The following SLC24A2 variants were observed in gnomAD, a reference collection of about 807,000 sequenced individuals.
SLC24A2 encodes the protein solute carrier family 24 member 2, also known as sodium/potassium/calcium exchanger 2.
SLC24A2 carries 36 observed loss-of-function variants against 62.0 expected under a neutral mutation model. The ratio of observed to expected loss-of-function variants is 0.58; its 90% CI spans 0.44 to 0.77. SLC24A2 has a LOEUF of 0.77. Among genes scored for constraint, SLC24A2 ranks in the 30% least tolerant of loss-of-function variants. The pLI, the probability that SLC24A2 is intolerant of heterozygous loss-of-function variation, is 0.00. For synonymous variants in SLC24A2, 358 were observed against 294.0 expected (o/e 1.22, Z -2.23); for missense variants, 846 against 817.9 (o/e 1.03, Z -0.42).
the SLC24A2 span, among the ~76,000 whole-genome samples, chr9:19,970,470 A>T: frequency 6.6e-6 from 1 of 152,198 alleles, no homozygotes; most frequent in Non-Finnish European, 1.5e-5. Context: ...TTTGAAAGGA[A>T]AATATCAAAT....
At chr9:20,158,332 A>G in the SLC24A2 span, among the ~76,000 whole-genome samples, 1 of 151,812 alleles carries the variant, frequency 6.6e-6, no homozygotes, top group Non-Finnish European at 1.5e-5. Context: ...ATAACCTCCA[A>G]GTTTATGGGA....
chr9:19,723,974 T>C (rs1318856270), intron 2 of SLC24A2, among the ~76,000 whole-genome samples: 1 of 152,110 alleles, frequency 6.6e-6, no homozygotes, highest in African/African-American at 2.4e-5. Context: ...TGGAATGCAT[T>C]TAACTATTTA....
the SLC24A2 span, among the ~76,000 whole-genome samples, chr9:19,973,817 T>C: frequency 6.6e-6 from 1 of 152,198 alleles, no homozygotes. Context: ...TTTAAAATTG[T>C]TTAGTTATTT....
At chr9:20,240,088 C>A in the SLC24A2 span, among the ~76,000 whole-genome samples, 1 of 152,032 alleles carries the variant, frequency 6.6e-6, no homozygotes, top group Non-Finnish European at 1.5e-5. Context: ...TGATGTGTCT[C>A]CCTCTCCCCT....
At chr9:19,987,133 T>C in the SLC24A2 span, among the ~76,000 whole-genome samples, 2 of 152,056 alleles carry the variant, frequency 1.3e-5, no homozygotes, top group East Asian at 1.9e-4. Context: ...TCTGTTGATA[T>C]AGATTGGAAT....
the SLC24A2 span, among the ~76,000 whole-genome samples, chr9:20,247,287 G>A: frequency 1.6e-4 from 24 of 152,142 alleles, no homozygotes; most frequent in African/African-American, 5.3e-4. Context: ...TCATCCTTAC[G>A]TAAGCATCAG....
the SLC24A2 span, among the ~76,000 whole-genome samples, chr9:20,274,470 T>G: frequency 6.6e-6 from 1 of 152,158 alleles, no homozygotes; most frequent in African/African-American, 2.4e-5. Context: ...TAATTTTGGC[T>G]GCTGGATTGA....
At chr9:19,937,296 G>T in the SLC24A2 span, among the ~76,000 whole-genome samples, 5 of 152,166 alleles carry the variant, frequency 3.3e-5, no homozygotes, top group African/African-American at 1.2e-4. Flanking sequence ...CCTAAAGAAG[G>T]CATGGAGAGA....
chr9:19,766,493 C>T (rs1352251879), intron 2 of SLC24A2, among the ~76,000 whole-genome samples: 1 of 152,190 alleles, frequency 6.6e-6, no homozygotes, highest in Admixed American at 6.5e-5. Flanking sequence ...GCATGGTCAT[C>T]CTTTTTATTG....
At chr9:19,670,754 G>A (rs80258784) in intron 2 of SLC24A2, among the ~76,000 whole-genome samples, 2,253 of 152,286 alleles carry the variant, frequency 0.015, 55 homozygotes, top group African/African-American at 0.051. Context: ...ATGTCTCAGG[G>A]TAAGGATAAT....
chr9:20,103,921 A>G, the SLC24A2 span, among the ~76,000 whole-genome samples: 1 of 152,216 alleles, frequency 6.6e-6, no homozygotes, highest in African/African-American at 2.4e-5. Flanking sequence ...AGGAAATTCA[A>G]ACCAAAGGCA....
chr9:19,550,298 A>C lies in SLC24A2; in HGVS notation c.1348-30T>G, dbSNP rs367611747. On this transcript the variant is annotated intron_variant, in intron 7 of 10. Transcript: ENST00000341998. ...GGTAGAAAAAGAGGTAAAATTAAAC[A>C]AACAAAAAAATAAAATGTACACAGG... The C allele has an allele frequency of 1.4e-5, 22 of 1,612,368 alleles. No individual in the cohort carries two copies. The African/African-American group carries it at 1.6e-4, about 12-fold the overall frequency.
chr9:19,920,143 A>C, the SLC24A2 span, among the ~76,000 whole-genome samples: 1 of 151,982 alleles, frequency 6.6e-6, no homozygotes, highest in Non-Finnish European at 1.5e-5. Flanking sequence ...CTTTTTTTGA[A>C]GTTTCTGCTA....
chr9:19,995,966 A>G, the SLC24A2 span, among the ~76,000 whole-genome samples: 2 of 152,228 alleles, frequency 1.3e-5, no homozygotes. Flanking sequence ...TTCTTTGGGT[A>G]AAGTAAAGGG....
intron 4 of SLC24A2, among the ~76,000 whole-genome samples, chr9:19,608,994 C>G (rs1478815610): frequency 6.6e-6 from 1 of 152,214 alleles, no homozygotes; most frequent in East Asian, 1.9e-4. Flanking sequence ...CTCCTTACCT[C>G]CTTCAAGAAC....
intron 8 of SLC24A2, among the ~76,000 whole-genome samples, chr9:19,545,795 C>A (rs12377409): frequency 0.27 from 41,320 of 151,896 alleles, 7,290 homozygotes; most frequent in Non-Finnish European, 0.4. Flanking sequence ...CCCACCACCA[C>A]GCCTGCCTAA....
Position 19,786,345 on chromosome 9 carries a change from C to T in SLC24A2, c.522G>A (p.Val174=). 2 of 1,614,148 alleles carry T rather than the reference C, an allele frequency of 1.2e-6. No individual in the cohort carries two copies. The highest frequency in any genetic ancestry group is 4.5e-5 in the East Asian group (2 of 44,878). The change falls in exon 2 of 11, where the codon GTG becomes GTA. Residue 174 remains valine (V), a synonymous_variant. Coordinates refer to ENST00000341998, the MANE Select transcript of SLC24A2 (RefSeq NM_020344.4). The surrounding 1 kb of genome is among the most constrained non-coding windows in gnomAD (Gnocchi z 5.0). ...ITEKLGISDD[V]AGATFMAAGG... ...CTGCAGCCATGAAGGTGGCTCCAGC[C>T]ACATCATCAGAGATGCCCAGTTTTT...
intron 2 of SLC24A2, among the ~76,000 whole-genome samples, chr9:19,763,942 C>T (rs531064936): frequency 9.2e-5 from 14 of 152,016 alleles, no homozygotes; most frequent in African/African-American, 2.7e-4. Context: ...CATCTGGTCC[C>T]GGGCTTTTTT....
chr9:20,051,657 C>CTCTTTTT, the SLC24A2 span, among the ~76,000 whole-genome samples: 40 of 73,412 alleles, frequency 5.4e-4, no homozygotes, highest in East Asian at 1.8e-3. Flanking sequence ...TTTTCTTTCT[C>CTCTTTTT]TTTTTTTTTT....
Sources: allele counts gnomAD v4.1 joint callset (sites outside exome capture counted in the v4.1 genomes callset), GRCh38; gene constraint gnomAD v4.1.1; non-coding constraint Gnocchi (gnomAD v3.1); transcripts MANE v1.5; gene names NCBI Gene and HGNC (gene_info 2026-07-23, HGNC 2026-07-21).